Variants in HMGCS1 observed in about 807,000 individuals in gnomAD.
The protein encoded by HMGCS1 is hydroxymethylglutaryl-CoA synthase, cytoplasmic.
HMGCS1 carries 9 observed loss-of-function variants against 52.3 expected under a neutral mutation model. The ratio of observed to expected loss-of-function variants is 0.17; its 90% CI spans 0.10 to 0.30. HMGCS1 has a LOEUF of 0.30. HMGCS1 is among the 10% of genes least tolerant of loss of function. HMGCS1 has a pLI of 1.00. For missense variants in HMGCS1, 320 were observed against 620.9 expected (o/e 0.52, Z 5.15); for synonymous variants, 176 against 214.4 (o/e 0.82, Z 1.57).
At chr5:43,297,811 T>G (rs1248519187) in intron 4 of HMGCS1, among the ~76,000 whole-genome samples, 198 bp downstream of exon 4, 2 of 150,250 alleles carry the variant, frequency 1.3e-5, no homozygotes, top group Non-Finnish European at 3.0e-5. Context: ...GCACTCCAGC[T>G]TGGGCAACAA....
chr5:43,292,707 T>G, intron 9 of HMGCS1, 70 bp from the exon 10 acceptor site: 2 of 1,516,834 alleles, frequency 1.3e-6, no homozygotes, highest in South Asian at 2.3e-5. Flanking sequence ...AAGCTAAAGA[T>G]AAGTTTCATA....
At chr5:43,299,659 A>G (rs1754212674) in intron 2 of HMGCS1, among the ~76,000 whole-genome samples, 1 of 137,574 alleles carries the variant, frequency 7.3e-6, no homozygotes, top group Admixed American at 7.4e-5. Context: ...CAAAAAAAAA[A>G]AAAGAAAAAG....
Position 43,298,402 on chromosome 5 carries a change from C to T in HMGCS1, c.448+116G>A. On this transcript the variant is annotated intron_variant, in intron 3 of 10. Transcript: ENST00000325110. The surrounding 1 kb of genome is among the most constrained non-coding windows in gnomAD (Gnocchi z 5.6). ...AGGTAAAATATCTTTCTTAATATAT[C>T]CAAACAAGGACAAATTACAAAAGTT... 2.7e-6 allele frequency: 2 copies of T among 753,494 alleles called. No individual in the cohort carries two copies. The highest frequency in any genetic ancestry group is 2.2e-6 in the Non-Finnish European group (1 of 463,378). 46.7% of individuals were successfully genotyped at this position (753,494 alleles called of 1,614,324 possible). A position where few individuals can be genotyped will look rare whatever the true frequency, so the allele number is the denominator to read the frequency against.
Position 43,288,643 on chromosome 5 carries a change from G to T in HMGCS1, c.*2488C>A, listed in dbSNP as rs1357595320. On this transcript the variant is annotated 3_prime_UTR_variant, in exon 11 of 11. Transcript: ENST00000325110. ...ACACACATTCCATAAAGGAGAGGGG[G>T]AAAGATTGAATTCTTAAAGCCATAC... 6.6e-6 allele frequency: 1 copy of T among 151,924 alleles called. No individual in the cohort carries two copies. The highest frequency in any genetic ancestry group is 1.5e-5 in the Non-Finnish European group (1 of 67,994). The allele number at this position is 151,924 out of a possible 1,614,324, so 9.4% of individuals were successfully genotyped here.
intron 1 of HMGCS1, among the ~76,000 whole-genome samples, chr5:43,308,908 AAAAG>A (rs1307260110): frequency 6.6e-6 from 1 of 152,180 alleles, no homozygotes; most frequent in Non-Finnish European, 1.5e-5. Context: ...CTGCCCCATA[AAAAG>A]AAATAGATCT....
chr5:43,295,620 C>A (rs927051127), intron 6 of HMGCS1, 132 bp downstream of exon 6: 1 of 633,162 alleles, frequency 1.6e-6, no homozygotes, highest in Non-Finnish European at 2.7e-6. Context: ...CTGACTGAGA[C>A]ACACAGATTA....
chr5:43,301,477 T>C (rs535174853), intron 2 of HMGCS1, among the ~76,000 whole-genome samples: 2 of 152,308 alleles, frequency 1.3e-5, no homozygotes, highest in South Asian at 4.1e-4. Context: ...TTTAAAAAAA[T>C]GAAACAGAAA....
chr5:43,292,493 T>G lies in HMGCS1; in HGVS notation c.1454A>C (p.His485Pro), dbSNP rs139029639. 1 of 1,613,908 alleles carries G rather than the reference T, an allele frequency of 6.2e-7. No individual in the cohort carries two copies. Among genetic ancestry groups the G allele is most frequent in the South Asian group, 1.1e-5 (1 of 91,082 alleles). ...DTLDEGVGLV[H>P]SNIATEHIPS... ...ATTTACCTCAGTTGCTATGTTTGAA[T>G]GCACAAGTCCTACTCCTTCATCCAA... Residue 485 changes from histidine (H) to proline (P), a missense_variant, in exon 10 of 11, where the codon CAT (histidine) becomes CCT (proline). Transcript: ENST00000325110.
chr5:43,294,613 T>G lies in HMGCS1; in HGVS notation c.1076+78A>C, dbSNP rs1753941683. On this transcript the variant is annotated intron_variant, in intron 7 of 10. Coordinates refer to ENST00000325110, the MANE Select transcript of HMGCS1 (RefSeq NM_001098272.3). ...TTTCTGTGATCTACCACCAACATGC[T>G]TGACACTAGATTTGGTCTTAGAAAT... 3 of 1,087,296 alleles carry G rather than the reference T, an allele frequency of 2.8e-6. No homozygotes were observed. The Admixed American group carries it at 7.4e-5, about 27-fold the overall frequency. The allele number at this position is 1,087,296 out of a possible 1,614,324, so 67.4% of individuals were successfully genotyped here.
At chr5:43,293,941 C>T (rs1753905108) in intron 8 of HMGCS1, 115 bp downstream of exon 8, 2 of 674,092 alleles carry the variant, frequency 3.0e-6, no homozygotes, top group Admixed American at 4.5e-5. Context: ...TCTCGAACTC[C>T]TGACCTCAGG....
At chr5:43,292,822 A>T (rs1753845263) in intron 9 of HMGCS1, 26 bp downstream of exon 9, 1 of 1,609,852 alleles carries the variant, frequency 6.2e-7, no homozygotes, top group Admixed American at 1.7e-5. Flanking sequence ...AAATGGGTTA[A>T]CTTAAAGAAC....
intron 2 of HMGCS1, among the ~76,000 whole-genome samples, chr5:43,304,353 TTGGAAATAAAG>T (rs1754459989): frequency 6.6e-6 from 1 of 152,234 alleles, no homozygotes; most frequent in East Asian, 1.9e-4. Flanking sequence ...TTTAACACTA[TTGGAAATAAAG>T]TGAACAGGGA....
At position 43,291,176 on chromosome 5, in the gene HMGCS1, T is replaced by C; in HGVS notation, c.1518A>G (p.Thr506=). 1.3e-6 allele frequency: 2 copies of C among 1,564,050 alleles called. No homozygotes were observed. Among genetic ancestry groups the C allele is most frequent in the East Asian group, 2.4e-5 (1 of 41,126 alleles). ...PAKKVPRLPA[T]AAEPEAAVIS... ...TGACAGCTGCTTCAGGTTCTGCTGC[T>C]GTGGCAGGGAGTCTTGGTACTTTCT... Residue 506 remains threonine, a synonymous_variant, in exon 11 of 11, where the codon ACA becomes ACG. Transcript: ENST00000325110.
chr5:43,292,456 G>A lies in HMGCS1; in HGVS notation c.1473+18C>T. 2 of 1,607,666 alleles carry A rather than the reference G, an allele frequency of 1.2e-6. No homozygotes were observed. Among genetic ancestry groups the A allele is most frequent in the Non-Finnish European group, 8.5e-7 (1 of 1,174,670 alleles). ...CTCCTAAACCCTAAGATATGGAGAT[G>A]GGAACTCTTTTATTTACCTCAGTTG... On this transcript the variant is annotated intron_variant, in intron 10 of 10. Coordinates refer to ENST00000325110, the MANE Select transcript of HMGCS1 (RefSeq NM_001098272.3).
intron 10 of HMGCS1, among the ~76,000 whole-genome samples, chr5:43,291,606 G>T (rs893920328): frequency 6.6e-6 from 1 of 152,116 alleles, no homozygotes; most frequent in Admixed American, 6.6e-5. Flanking sequence ...TAGTTTCAAG[G>T]TTATAAAGTC....
At chr5:43,302,648 AC>A (rs1754377837) in intron 2 of HMGCS1, among the ~76,000 whole-genome samples, 1 of 152,242 alleles carries the variant, frequency 6.6e-6, no homozygotes, top group Non-Finnish European at 1.5e-5. Context: ...ATGACAGTCA[AC>A]AGCCTGAAAG....
At chr5:43,303,700 A>G (rs1193971290) in intron 2 of HMGCS1, among the ~76,000 whole-genome samples, 2 of 152,134 alleles carry the variant, frequency 1.3e-5, no homozygotes, top group East Asian at 3.9e-4. Context: ...CCTAAACACA[A>G]CAGTCTACTT....
chr5:43,295,337 G>C (rs1753978669), intron 6 of HMGCS1, among the ~76,000 whole-genome samples: 1 of 152,182 alleles, frequency 6.6e-6, no homozygotes, highest in Non-Finnish European at 1.5e-5. Context: ...AACACACATA[G>C]CATGCTAGGG....
chr5:43,290,030 G>C lies in HMGCS1; in HGVS notation c.*1101C>G, dbSNP rs2111610836. On this transcript the variant is annotated 3_prime_UTR_variant, in exon 11 of 11. Transcript: ENST00000325110. Reference sequence around the variant, plus strand: ...AAGTCCTACTTCAGACCTTGAAGTGGAATACTTCTAGTCAGACTAGGTAAA... The same window carrying C: ...AAGTCCTACTTCAGACCTTGAAGTGCAATACTTCTAGTCAGACTAGGTAAA... 1 of 149,750 alleles carries C rather than the reference G, an allele frequency of 6.7e-6. No individual in the cohort carries two copies. Among genetic ancestry groups the C allele is most frequent in the East Asian group, 2.0e-4 (1 of 5,100 alleles). 9.3% of individuals were successfully genotyped at this position (149,750 alleles called of 1,614,324 possible).
Sources: gnomAD v4.1 joint callset for allele counts (sites outside exome capture counted in the v4.1 genomes callset) on GRCh38, gnomAD v4.1.1 for gene constraint, Gnocchi (gnomAD v3.1) non-coding constraint, MANE v1.5 for transcripts, NCBI Gene and HGNC (gene_info 2026-07-23, HGNC 2026-07-21) for gene names.